The following TTC7A variants were observed in gnomAD, a reference collection of about 807,000 sequenced individuals.
TTC7A encodes the protein tetratricopeptide repeat protein 7A.
TTC7A carries 110 observed loss-of-function variants against 103.7 expected under a neutral mutation model. The observed-to-expected ratio is 1.06, with a 90% CI of 0.91 to 1.24. TTC7A has a LOEUF of 1.24. TTC7A is among the 50% of genes most tolerant of loss of function. The probability of loss-of-function intolerance (pLI) is 0.00; values close to 1 mark genes in which losing one functional copy is unlikely to be tolerated. For synonymous variants in TTC7A, 521 were observed against 467.9 expected (o/e 1.11, Z -1.47); for missense variants, 1,340 against 1,116.3 (o/e 1.20, Z -2.86).
chr2:47,069,154 T>C, intron 19 of TTC7A, among the ~76,000 whole-genome samples: 1 of 151,658 alleles, frequency 6.6e-6, no homozygotes, highest in African/African-American at 2.4e-5. Context: ...CCTACAGACC[T>C]AGAACCTGAT....
intron 10 of TTC7A, 33 bp downstream of exon 10, chr2:47,006,757 T>G (rs770942625): frequency 5.9e-6 from 9 of 1,530,970 alleles, no homozygotes; most frequent in Non-Finnish European, 7.2e-6. Flanking sequence ...GGTTGCACAC[T>G]CACCCGCAGG....
At chr2:46,968,851 G>A (rs1273223671) in intron 3 of TTC7A, among the ~76,000 whole-genome samples, 2 of 151,914 alleles carry the variant, frequency 1.3e-5, no homozygotes, top group Admixed American at 1.3e-4. Flanking sequence ...TAAAGATACA[G>A]AACATTTCTA....
upstream of TTC7A, among the ~76,000 whole-genome samples, chr2:46,939,624 AGGT>A (rs1353346082): frequency 2.6e-5 from 4 of 152,128 alleles, no homozygotes; most frequent in African/African-American, 9.7e-5. Flanking sequence ...GCAGGAAAGG[AGGT>A]CTTATTTCTG....
In TTC7A at chr2:47,046,332, T is replaced by G. The variant is rs1040427717; in HGVS notation, c.1820T>G (p.Val607Gly). Residue 607 changes from valine (V) to glycine (G), a missense_variant, in exon 16 of 20, where the codon GTG becomes GGG. Transcript: ENST00000319190. ...CCCCACAGCCTGATGTTCACCAAGG[T>G]GAAGCTGGAGCAGGTGCTGAAAGGC... Reference protein sequence around the residue: ...PENFNLMFTKVKLEQVLKGPE... With the variant: ...PENFNLMFTKGKLEQVLKGPE... The G allele has an allele frequency of 6.2e-7, 1 of 1,614,056 alleles. No individual in the cohort carries two copies. The highest frequency in any genetic ancestry group is 1.3e-5 in the African/African-American group (1 of 75,048).
chr2:46,957,079 G>A, intron 3 of TTC7A, 72 bp downstream of exon 3: 3 of 1,574,236 alleles, frequency 1.9e-6, no homozygotes, highest in Non-Finnish European at 1.7e-6. Flanking sequence ...CCAGGGCCCT[G>A]CTGGGCTCGT....
rs150654024 is a variant in TTC7A, at chr2:47,008,023, G to A, written c.1287+1299G>A. ...GCTGGAAAAGACGAGCTGGCCGTGGGGATGGGGACAGGAAGGTGTTGAAGG... is the reference window on the plus strand; with the variant it reads ...GCTGGAAAAGACGAGCTGGCCGTGGAGATGGGGACAGGAAGGTGTTGAAGG... On this transcript the variant is annotated intron_variant, in intron 10 of 19. Transcript: ENST00000319190. Among the ~76,000 whole-genome samples the A allele has an allele frequency of 1.7e-4, 26 of 152,344 alleles. 1 individual carries two copies. The highest frequency in any genetic ancestry group is 5.3e-4 in the African/African-American group (22 of 41,584).
intron 8 of TTC7A, among the ~76,000 whole-genome samples, chr2:47,001,859 CAAAAAAAAAAAAAA>C (rs397871545): frequency 2.2e-5 from 2 of 90,480 alleles, no homozygotes; most frequent in Non-Finnish European, 4.9e-5. Flanking sequence ...GACTCTGTCT[CAAAAAAAAAAAAAA>C]AAAAAAGAGT....
At chr2:47,067,355 G>T (rs1372248975) in intron 19 of TTC7A, among the ~76,000 whole-genome samples, 1 of 152,232 alleles carries the variant, frequency 6.6e-6, no homozygotes, top group Non-Finnish European at 1.5e-5. Context: ...TAGATGACTT[G>T]GTGGCACGTG....
At chr2:46,973,347 A>G (rs1673541154) in intron 3 of TTC7A, among the ~76,000 whole-genome samples, 1 of 152,154 alleles carries the variant, frequency 6.6e-6, no homozygotes, top group Admixed American at 6.5e-5. Flanking sequence ...ATGGAAAGAG[A>G]GAGGAAAAAG....
At chr2:47,039,825 A>G (rs1187393693) in intron 15 of TTC7A, among the ~76,000 whole-genome samples, 1 of 152,196 alleles carries the variant, frequency 6.6e-6, no homozygotes, top group Non-Finnish European at 1.5e-5. Flanking sequence ...GCTTGGGGAG[A>G]TTGGCAAAGC....
chr2:46,938,545 G>A (rs1303536982), upstream of TTC7A, among the ~76,000 whole-genome samples: 4 of 152,188 alleles, frequency 2.6e-5, no homozygotes, highest in Non-Finnish European at 4.4e-5. Context: ...ATGCTCTCCT[G>A]AGGATTTTTT....
At chr2:47,025,362 C>G (rs56200787) in intron 14 of TTC7A, among the ~76,000 whole-genome samples, 1 of 152,118 alleles carries the variant, frequency 6.6e-6, no homozygotes. Flanking sequence ...CCACAGCCCA[C>G]GGGGTCTAGG....
Position 46,950,418 on chromosome 2 carries a change from G to T in TTC7A, c.240G>T (p.Glu80Asp). 6.2e-7 allele frequency: 1 copy of T among 1,614,132 alleles called. No individual in the cohort carries two copies. Residue 80 changes from glutamate (E) to aspartate (D), a missense_variant, in exon 2 of 20, where the codon GAG becomes GAT. By Grantham distance (45) the Glu-to-Asp change is conservative (BLOSUM62 2). Transcript: ENST00000319190. Reference protein sequence around the residue: ...AEALLEQCLKENHAKIKDSMP... With the variant: ...AEALLEQCLKDNHAKIKDSMP... ...CCCTCCTGGAGCAGTGTTTGAAGGA[G>T]AACCATGCCAAAATAAAAGACTCCA...
chr2:47,008,732 G>A (rs1239229080), intron 10 of TTC7A, among the ~76,000 whole-genome samples: 1 of 152,162 alleles, frequency 6.6e-6, no homozygotes, highest in East Asian at 1.9e-4. Flanking sequence ...GCCTAAGGTG[G>A]AATCAAGGGC....
intron 8 of TTC7A, among the ~76,000 whole-genome samples, chr2:47,005,439 G>A (rs368917486): frequency 1.1e-4 from 16 of 152,134 alleles, no homozygotes; most frequent in African/African-American, 3.4e-4. Flanking sequence ...TCCATAAAAC[G>A]ACTGGCCTGT....
At chr2:46,942,353 A>G (rs933294640) in intron 1 of TTC7A, among the ~76,000 whole-genome samples, 7 of 152,096 alleles carry the variant, frequency 4.6e-5, no homozygotes, top group African/African-American at 1.4e-4. Context: ...GCAGCGGGGA[A>G]CACCCCGCCC....
chr2:47,015,641 T>C (rs779372640), intron 11 of TTC7A, among the ~76,000 whole-genome samples: 12 of 152,188 alleles, frequency 7.9e-5, no homozygotes, highest in African/African-American at 1.7e-4. Context: ...AGAGATGACA[T>C]GAAGAGTGCC....
intron 3 of TTC7A, among the ~76,000 whole-genome samples, chr2:46,967,000 G>A (rs922869414): frequency 2.0e-5 from 3 of 151,770 alleles, no homozygotes; most frequent in African/African-American, 7.3e-5. Context: ...ATCACCTGAG[G>A]TCAGGAGTTC....
intron 2 of TTC7A, among the ~76,000 whole-genome samples, chr2:46,923,360 A>AG (rs1669205291): frequency 6.9e-6 from 1 of 145,414 alleles, no homozygotes; most frequent in Admixed American, 6.8e-5. Flanking sequence ...TGTCATTCTG[A>AG]ATTACCTGGG....
Sources: allele counts gnomAD v4.1 joint callset (sites outside exome capture counted in the v4.1 genomes callset), GRCh38; gene constraint gnomAD v4.1.1; transcripts MANE v1.5; gene names NCBI Gene and HGNC (gene_info 2026-07-23, HGNC 2026-07-21).